Variants in SART3 observed in about 807,000 individuals in gnomAD.
SART3 encodes the protein spliceosome associated factor 3, U4/U6 recycling protein, also known as HIV-1 Tat-interacting protein of 110kDa.
In SART3, 44 loss-of-function variants were observed where a neutral mutation model predicts 122.3. The ratio of observed to expected loss-of-function variants is 0.36; its 90% CI spans 0.28 to 0.46. The LOEUF is 0.46. SART3 is among the 20% of genes least tolerant of loss of function. SART3 has a pLI of 1.00. For missense variants in SART3, 1,101 were observed against 1,229.0 expected (o/e 0.90, Z 1.56); for synonymous variants, 442 against 454.0 (o/e 0.97, Z 0.34).
chr12:108,537,651 A>G (rs1328273135), intron 8 of SART3, 56 bp from the exon 9 acceptor site: 2 of 1,266,684 alleles, frequency 1.6e-6, no homozygotes, highest in Non-Finnish European at 2.3e-6. Flanking sequence ...ACTAATAGAA[A>G]GTCACTACAT....
intron 5 of SART3, 87 bp from the exon 6 acceptor site, chr12:108,543,239 A>ACAGATGTGGGAGGGG: frequency 6.7e-7 from 1 of 1,503,184 alleles, no homozygotes; most frequent in Non-Finnish European, 9.1e-7. Context: ...CTCAGGTGCC[A>ACAGATGTGGGAGGGG]CTAGCCCCTC....
At chr12:108,528,145 G>GA (rs1333034767) in intron 15 of SART3, among the ~76,000 whole-genome samples, 4 of 152,116 alleles carry the variant, frequency 2.6e-5, no homozygotes, top group Non-Finnish European at 1.5e-5. Context: ...TTACAAGGGT[G>GA]AAAGAAACAC....
intron 11 of SART3, among the ~76,000 whole-genome samples, chr12:108,536,104 A>C (rs138512127): frequency 3.9e-5 from 6 of 152,328 alleles, no homozygotes; most frequent in African/African-American, 1.4e-4. Flanking sequence ...TACTTGTCAA[A>C]TCATCTGTCT....
intron 2 of SART3, among the ~76,000 whole-genome samples, chr12:108,548,267 T>C (rs534405317): frequency 5.3e-5 from 8 of 152,342 alleles, no homozygotes; most frequent in South Asian, 2.1e-4. Context: ...TCCTGTAAGG[T>C]TGGTGATAGT....
chr12:108,536,681 C>A, intron 10 of SART3, 27 bp downstream of exon 10: 3 of 1,613,256 alleles, frequency 1.9e-6, no homozygotes, highest in Non-Finnish European at 2.5e-6. Flanking sequence ...TACAACTGGG[C>A]AAAACCACAG....
chr12:108,558,633 C>A (rs2030331181), intron 1 of SART3, among the ~76,000 whole-genome samples: 1 of 152,202 alleles, frequency 6.6e-6, no homozygotes, highest in Non-Finnish European at 1.5e-5. Flanking sequence ...GACTAGCAGT[C>A]TGAAGAAATG....
At position 108,532,039 on chromosome 12, in the gene SART3, A is replaced by C. The variant is rs934763813; in HGVS notation, c.1669+183T>G. On this transcript the variant is annotated intron_variant, in intron 13 of 18. Transcript: ENST00000546815. ...ATCACAGAGTCCTCCTTGTAGCTGCAGAATTTGAGAAGAGCTGCAGGAGGA... is the reference window on the plus strand; with the variant it reads ...ATCACAGAGTCCTCCTTGTAGCTGCCGAATTTGAGAAGAGCTGCAGGAGGA... The C allele has an allele frequency of 1.6e-4, 98 of 614,648 alleles. 1 individual carries two copies. The highest frequency in any genetic ancestry group is 2.4e-4 in the Non-Finnish European group (80 of 334,426). The allele number at this position is 614,648 out of a possible 1,614,324, so 38.1% of individuals were successfully genotyped here. A position where few individuals can be genotyped will look rare whatever the true frequency, so the allele number is the denominator to read the frequency against.
chr12:108,536,696 G>A lies in SART3; in HGVS notation c.1387+12C>T, dbSNP rs1053721916. ...TACAACTGGGCAAAACCACAGGCTGGGGCATACTTACGCTCTTCCACCTCC... is the reference window on the plus strand; with the variant it reads ...TACAACTGGGCAAAACCACAGGCTGAGGCATACTTACGCTCTTCCACCTCC... On this transcript the variant is annotated intron_variant, in intron 10 of 18. Transcript: ENST00000546815. 6.2e-7 allele frequency: 1 copy of A among 1,613,636 alleles called. No homozygotes were observed. The highest frequency in any genetic ancestry group is 8.5e-7 in the Non-Finnish European group (1 of 1,179,726).
rs182794029 is a variant in SART3 at position 108,527,895 on chromosome 12, A to G, written c.1916-1342T>C. 4.9e-3 allele frequency among the ~76,000 whole-genome samples: 748 copies of G among 152,082 alleles called. 8 individuals carry two copies. The highest frequency in any genetic ancestry group is 0.016 in the African/African-American group (667 of 41,496). The stretch of plus-strand genomic sequence containing the variant: ...ATTCTCCTGTCTCAGCCTCCCGAGT[A>G]GCTGGGAAAACAGGCACCCGCCACC... On this transcript the variant is annotated intron_variant, in intron 15 of 18. Transcript: ENST00000546815.
intron 12 of SART3, among the ~76,000 whole-genome samples, chr12:108,535,086 T>C (rs901825009): frequency 5.3e-5 from 8 of 152,144 alleles, no homozygotes; most frequent in Admixed American, 5.2e-4. Context: ...AAAAAACAAA[T>C]AGCTCCAAAA....
At position 108,539,098 on chromosome 12, in the gene SART3, C is replaced by T. The variant is rs757558810; in HGVS notation, c.907-9G>A. 16 of 1,613,940 alleles carry T rather than the reference C, an allele frequency of 9.9e-6. No individual in the cohort carries two copies. The highest frequency in any genetic ancestry group is 1.3e-5 in the Non-Finnish European group (15 of 1,180,012). ...GGTGCCTCTGCCTGCAACTGGAGTA[C>T]AGGAAAATTGTATTGAATTTAGTTA... On this transcript the variant is annotated splice_polypyrimidine_tract_variant and intron_variant, in intron 6 of 18. Transcript: ENST00000546815.
intron 15 of SART3, 23 bp from the exon 16 acceptor site, chr12:108,526,576 T>C (rs760040930): frequency 1.1e-4 from 182 of 1,610,414 alleles, no homozygotes; most frequent in Non-Finnish European, 1.5e-4. Context: ...AAAAGAAAAG[T>C]AGCCATGGTT....
At chr12:108,536,620 A>G (rs1872916334) in intron 10 of SART3, 48 bp from the exon 11 acceptor site, 1 of 1,610,702 alleles carries the variant, frequency 6.2e-7, no homozygotes, top group African/African-American at 1.3e-5. Flanking sequence ...GGAGACAGAT[A>G]GTCGCTGGCT....
intron 15 of SART3, among the ~76,000 whole-genome samples, chr12:108,529,935 T>C (rs900291636): frequency 6.6e-6 from 1 of 152,168 alleles, no homozygotes; most frequent in East Asian, 1.9e-4. Flanking sequence ...TGGGAACCCA[T>C]AGCTCATTGC....
At chr12:108,544,666 T>C (rs1565864433) in intron 4 of SART3, 188 bp from the exon 5 acceptor site, 5 of 759,346 alleles carry the variant, frequency 6.6e-6, no homozygotes, top group Admixed American at 4.1e-5. Flanking sequence ...TCCAGGCTCA[T>C]GCAATCCTCC....
At chr12:108,535,965 G>A (rs1297991900) in intron 11 of SART3, among the ~76,000 whole-genome samples, 3 of 151,934 alleles carry the variant, frequency 2.0e-5, no homozygotes, top group South Asian at 2.1e-4. Flanking sequence ...TCTATCTGAC[G>A]CTCCCTCCGA....
rs186838490 is a variant in SART3 at position 108,524,026 on chromosome 12, C to A, written c.2714+290G>T. ...TGGGTATGAGATTTCTTTGTAAACACACAGATCCAACTGGCAAAGGGGACT... is the reference window on the plus strand; with the variant it reads ...TGGGTATGAGATTTCTTTGTAAACAAACAGATCCAACTGGCAAAGGGGACT... On this transcript the variant is annotated intron_variant, in intron 18 of 18. Transcript: ENST00000546815. 4.7e-5 allele frequency: 26 copies of A among 557,180 alleles called. No homozygotes were observed. The African/African-American group carries it at 4.7e-4, about 10-fold the overall frequency. The allele number at this position is 557,180 out of a possible 1,614,324, so 34.5% of individuals were successfully genotyped here.
At chr12:108,524,138 G>T in intron 18 of SART3, 178 bp downstream of exon 18, 1 of 673,338 alleles carries the variant, frequency 1.5e-6, no homozygotes, top group Non-Finnish European at 2.7e-6. Flanking sequence ...GCCTAGGCTT[G>T]CATCCTGCTC....
chr12:108,538,411 C>T (rs1046275905), intron 7 of SART3, among the ~76,000 whole-genome samples: 7 of 152,156 alleles, frequency 4.6e-5, no homozygotes, highest in Admixed American at 1.3e-4. Context: ...CCTTAAAAGA[C>T]GTCAGCCAAC....
Sources: gnomAD v4.1 joint callset for allele counts (sites outside exome capture counted in the v4.1 genomes callset) on GRCh38, gnomAD v4.1.1 for gene constraint, MANE v1.5 for transcripts, NCBI Gene and HGNC (gene_info 2026-07-23, HGNC 2026-07-21) for gene names.